The following SNX19 variants were observed in gnomAD, a reference collection of about 807,000 sequenced individuals.
SNX19 encodes the protein sorting nexin 19.
SNX19 carries 60 observed loss-of-function variants against 85.2 expected under a neutral mutation model. The observed-to-expected ratio is 0.70, with a 90% CI of 0.57 to 0.87. The LOEUF is 0.87. Among genes scored for constraint, SNX19 ranks in the 40% least tolerant of loss-of-function variants. SNX19 has a pLI of 0.00. For synonymous variants in SNX19, 520 were observed against 470.0 expected (o/e 1.11, Z -1.38); for missense variants, 1,201 against 1,217.8 (o/e 0.99, Z 0.21).
intron 8 of SNX19, among the ~76,000 whole-genome samples, chr11:130,901,170 G>C (rs1416555798): frequency 2.0e-5 from 3 of 152,132 alleles, no homozygotes; most frequent in Non-Finnish European, 4.4e-5. Flanking sequence ...ATGCCAGTAG[G>C]CATCCCACAT....
rs1267614063 is a variant in SNX19, at chr11:130,916,011, C to A, written c.-72G>T. ...TTACTTCAGAGTTAGGGAAGGGGGG[C>A]ATGAACTGTGTCTCAGATATGGGGC... On this transcript the variant is annotated 5_prime_UTR_variant, in exon 1 of 11. It removes an upstream start codon present in the reference 5' UTR. Coordinates refer to ENST00000265909, the MANE Select transcript of SNX19 (RefSeq NM_014758.3). The A allele has an allele frequency of 1.4e-6, 2 of 1,382,896 alleles. No individual in the cohort carries two copies. The highest frequency in any genetic ancestry group is 2.5e-5 in the East Asian group (1 of 40,486). The allele number at this position is 1,382,896 out of a possible 1,614,324, so 85.7% of individuals were successfully genotyped here. A position where few individuals can be genotyped will look rare whatever the true frequency, so the allele number is the denominator to read the frequency against.
rs1315546068 is a variant in SNX19 at position 130,877,783 on chromosome 11, C to T, written c.*639G>A. The T allele has an allele frequency of 2.0e-5, 3 of 152,612 alleles. No individual in the cohort carries two copies. Among genetic ancestry groups the T allele is most frequent in the Admixed American group, 6.5e-5 (1 of 15,276 alleles). The allele number at this position is 152,612 out of a possible 1,614,324, so 9.5% of individuals were successfully genotyped here. On this transcript the variant is annotated 3_prime_UTR_variant, in exon 11 of 11. Coordinates refer to ENST00000265909, the MANE Select transcript of SNX19 (RefSeq NM_014758.3). ...TTCTGGAAAGGAAAGTGTAGCCTCC[C>T]AGGCAAGCAGCCTCATGACATCTTC...
rs1467270073 is a variant in SNX19 at position 130,910,020 on chromosome 11, T to G, written c.2032A>C (p.Lys678Gln). 1 of 1,613,148 alleles carries G rather than the reference T, an allele frequency of 6.2e-7. No homozygotes were observed. The highest frequency in any genetic ancestry group is 8.5e-7 in the Non-Finnish European group (1 of 1,180,024). The change falls in exon 4 of 11, where the codon AAG becomes CAG. Residue 678 changes from lysine (K) to glutamine (Q), a missense_variant and splice_region_variant. Lys to Gln is a moderately conservative substitution (Grantham distance 53). Around this residue, in one of 3 missense-constraint regions of SNX19, gnomAD observed 125 missense variants for 171.6 expected, o/e 0.73. Transcript: ENST00000265909. ...KKPFMVSRID[K>Q]MVVSAIVDTL... ...GAGCACAGTGGCCCTGCTGGTACCTTGTCTATTCTAGAGACCATAAATGGT... is the reference window on the plus strand; with the variant it reads ...GAGCACAGTGGCCCTGCTGGTACCTGGTCTATTCTAGAGACCATAAATGGT...
At chr11:130,901,703 C>T (rs1043788105) in intron 8 of SNX19, 3 of 152,110 alleles carry the variant, frequency 2.0e-5, no homozygotes, top group Non-Finnish European at 2.9e-5. Context: ...CAGAGTGGAG[C>T]CCCTTTTCAA....
chr11:130,890,202 C>G (rs1944400484), intron 8 of SNX19, among the ~76,000 whole-genome samples: 1 of 152,126 alleles, frequency 6.6e-6, no homozygotes, highest in Non-Finnish European at 1.5e-5. Context: ...AACCCTAATC[C>G]AACACCACAT....
intron 9 of SNX19, 57 bp downstream of exon 9, chr11:130,880,565 C>A: frequency 6.8e-7 from 1 of 1,476,732 alleles, no homozygotes. Context: ...GTAATGGTGG[C>A]AAAGCAGAAT....
At chr11:130,896,776 T>C (rs1270095693) in intron 8 of SNX19, among the ~76,000 whole-genome samples, 1 of 152,246 alleles carries the variant, frequency 6.6e-6, no homozygotes, top group Non-Finnish European at 1.5e-5. Flanking sequence ...CTGGTATTAA[T>C]ATTGTAATAA....
intron 8 of SNX19, among the ~76,000 whole-genome samples, chr11:130,902,651 T>C (rs1011973100): frequency 6.6e-6 from 1 of 152,172 alleles, no homozygotes; most frequent in African/African-American, 2.4e-5. Context: ...AGTTAGAAAG[T>C]CAGCAGCTAA....
intron 7 of SNX19, chr11:130,905,643 G>C (rs1211547894): frequency 2.0e-6 from 3 of 1,469,580 alleles, no homozygotes; most frequent in African/African-American, 1.4e-5. Flanking sequence ...TCTAAGAAAT[G>C]CAAGAGTCTG....
chr11:130,916,442 TGTGAAGGCTGACCGCCGGC>T lies in SNX19; in HGVS notation c.-522_-504del, dbSNP rs1946591603. ...CGACTGCGCTCCGCAGCCGGGCCTGTGTGAAGGCTGACCGCCGGCCGGCCGCCGGCGACAGCTTCCGGGT... is the reference window on the plus strand; with the variant it reads ...CGACTGCGCTCCGCAGCCGGGCCTGTCGGCCGCCGGCGACAGCTTCCGGGT... On this transcript the variant is annotated 5_prime_UTR_variant, in exon 1 of 11. Transcript: ENST00000265909. The T allele has an allele frequency of 6.6e-6, 1 of 152,546 alleles. No homozygotes were observed. Among genetic ancestry groups the T allele is most frequent in the Non-Finnish European group, 1.5e-5 (1 of 68,282 alleles). 9.4% of individuals were successfully genotyped at this position (152,546 alleles called of 1,614,324 possible). A position where few individuals can be genotyped will look rare whatever the true frequency, so the allele number is the denominator to read the frequency against.
intron 8 of SNX19, among the ~76,000 whole-genome samples, chr11:130,894,139 A>G (rs1944699532): frequency 6.6e-6 from 1 of 152,216 alleles, no homozygotes; most frequent in Admixed American, 6.5e-5. Flanking sequence ...TGAATACATA[A>G]TGTATAAGAT....
intron 10 of SNX19, 28 bp downstream of exon 10, chr11:130,879,596 G>T: frequency 6.3e-7 from 1 of 1,594,656 alleles, no homozygotes; most frequent in Non-Finnish European, 8.6e-7. Flanking sequence ...TAACTATGCT[G>T]ATGTTGGAAT....
intron 8 of SNX19, chr11:130,895,108 C>T (rs1281807207): frequency 3.0e-6 from 3 of 985,210 alleles, no homozygotes; most frequent in Non-Finnish European, 3.6e-6. Flanking sequence ...AGGGCAGGCT[C>T]GGTGGGGCTT....
intron 8 of SNX19, among the ~76,000 whole-genome samples, chr11:130,891,207 C>T (rs1944471449): frequency 6.6e-6 from 1 of 152,076 alleles, no homozygotes; most frequent in African/African-American, 2.4e-5. Flanking sequence ...ATTTACTTTC[C>T]TAATAATCTT....
intron 7 of SNX19, among the ~76,000 whole-genome samples, chr11:130,903,748 C>T (rs1014490606): frequency 6.6e-6 from 1 of 150,894 alleles, no homozygotes; most frequent in South Asian, 2.1e-4. Flanking sequence ...CACACACACA[C>T]ACGCACTTAT....
At position 130,915,302 on chromosome 11, in the gene SNX19, C is replaced by T; in HGVS notation, c.638G>A (p.Arg213His). The change falls in exon 1 of 11, where the codon CGT becomes CAT. Residue 213 changes from arginine to histidine, a missense_variant. Coordinates refer to ENST00000265909, the MANE Select transcript of SNX19 (RefSeq NM_014758.3). ...TTGAAGCAACAAATTCACAACGCCA[C>T]GCGTATAGGTGACTTCAGCACTGGG... is the stretch of plus-strand genomic sequence containing the variant. ...HSPSAEVTYT[R>H]GVVNLLLQGL... 1 of 1,614,200 alleles carries T rather than the reference C, an allele frequency of 6.2e-7. No individual in the cohort carries two copies. The highest frequency in any genetic ancestry group is 1.1e-5 in the South Asian group (1 of 91,084).
chr11:130,877,213 T>C lies in SNX19; in HGVS notation c.*1209A>G, dbSNP rs1943307444. 1 of 152,218 alleles carries C rather than the reference T, an allele frequency of 6.6e-6. No individual in the cohort carries two copies. The highest frequency in any genetic ancestry group is 2.1e-4 in the South Asian group (1 of 4,834). 9.4% of individuals were successfully genotyped at this position (152,218 alleles called of 1,614,324 possible). On this transcript the variant is annotated 3_prime_UTR_variant, in exon 11 of 11. Transcript: ENST00000265909. The stretch of plus-strand genomic sequence containing the variant: ...TTTTTGCCAGCTATTCACATGCATT[T>C]AATATACAGCACTTCCCTGTGACTG...
chr11:130,913,781 T>G (rs920014501), intron 1 of SNX19, among the ~76,000 whole-genome samples: 1 of 152,210 alleles, frequency 6.6e-6, no homozygotes, highest in African/African-American at 2.4e-5. Flanking sequence ...GTAAGCAGAC[T>G]TGGGAACAAC....
At position 130,911,587 on chromosome 11, in the gene SNX19, C is replaced by T. The variant is rs140563899; in HGVS notation, c.1813+46G>A. 377 of 1,611,070 alleles carry T rather than the reference C, an allele frequency of 2.3e-4. No homozygotes were observed. In the African/African-American group the frequency reaches 4.1e-3, roughly 18 times the overall value. ...AACCAACAGGCCAATCAGCGTGGCT[C>T]GACGTGGGAAGCAAGCGGGCAGTAG... On this transcript the variant is annotated intron_variant, in intron 2 of 10. Transcript: ENST00000265909.
Sources: gnomAD v4.1 joint callset for allele counts (sites outside exome capture counted in the v4.1 genomes callset) on GRCh38, gnomAD v4.1.1 for gene constraint, gnomAD v4.1.1 regional missense constraint, MANE v1.5 for transcripts, NCBI Gene and HGNC (gene_info 2026-07-23, HGNC 2026-07-21) for gene names.